RFNG: variants seen among roughly 807,000 people sequenced by gnomAD.
The protein encoded by RFNG is RFNG O-fucosylpeptide 3-beta-N-acetylglucosaminyltransferase.
RFNG carries 37 observed loss-of-function variants against 29.6 expected under a neutral mutation model. The ratio of observed to expected loss-of-function variants is 1.25; its 90% confidence interval spans 0.96 to 1.65. The LOEUF (loss-of-function observed/expected upper bound fraction) is 1.65. RFNG is among the 40% of genes most tolerant of loss of function. RFNG has a pLI of 0.00. For missense variants in RFNG, 546 were observed against 457.0 expected, an observed-to-expected ratio of 1.19 and a Z score of -1.78; for synonymous variants, 276 against 197.3, an observed-to-expected ratio of 1.40 and a Z score of -3.34.
intron 4 of RFNG, 169 bp downstream of exon 4, chr17:82,050,233 G>C (rs1270445623): frequency 2.3e-6 from 2 of 873,100 alleles, no homozygotes; most frequent in Non-Finnish European, 3.4e-6. Flanking sequence ...AGTACGGTGA[G>C]GGCCTCCTGG....
Position 82,047,966 on chromosome 17 carries a change from A to C in RFNG, c.*760T>G, listed in dbSNP as rs1043368471. The C allele has an allele frequency of 2.0e-5, 3 of 152,244 alleles. No individual in the cohort carries two copies. The highest frequency in any genetic ancestry group is 4.4e-5 in the Non-Finnish European group (3 of 68,088). The allele number at this position is 152,244 out of a possible 1,614,324, so 9.4% of individuals were successfully genotyped here. ...CAAAGCAGGAGGCAGAGGGGAGATG[A>C]CGGCCCCTGTCCCATTTCCCTCCAT... On this transcript the variant is annotated 3_prime_UTR_variant, in exon 8 of 8. Transcript: ENST00000310496.
In RFNG at chr17:82,048,749, G is replaced by A. The variant is rs1045904695; in HGVS notation, c.973C>T (p.Gln325Ter). 1 of 1,613,244 alleles carries A rather than the reference G, an allele frequency of 6.2e-7. No individual in the cohort carries two copies. The highest frequency in any genetic ancestry group is 8.5e-7 in the Non-Finnish European group (1 of 1,179,866). ...PDTDWCPRQK[Q>*]GAPTSR ...TGTCACCGAGAGGTCGGGGCGCCCT[G>A]TTTCTGCCTGGGACACCAGTCCGTG... is the stretch of plus-strand genomic sequence containing the variant. The change falls in exon 8 of 8, where the codon CAG becomes TAG. Residue 325 changes from glutamine (Q) to a stop codon, truncating the protein, a stop_gained. Coordinates refer to ENST00000310496, the MANE Select transcript of RFNG (RefSeq NM_002917.2). LOFTEE classifies it low-confidence loss of function (END_TRUNC).
rs1448340494 is a variant in RFNG, at chr17:82,051,549, G to A, written c.218C>T (p.Pro73Leu). 4 of 1,398,272 alleles carry A rather than the reference G, an allele frequency of 2.9e-6. No individual in the cohort carries two copies. The highest frequency in any genetic ancestry group is 1.5e-5 in the African/African-American group (1 of 66,084). The allele number at this position is 1,398,272 out of a possible 1,614,324, so 86.6% of individuals were successfully genotyped here. A position where few individuals can be genotyped will look rare whatever the true frequency, so the allele number is the denominator to read the frequency against. The change falls in exon 1 of 8, where the codon CCG (proline) becomes CTG (leucine). Residue 73 changes from proline (P) to leucine (L), a missense_variant. By Grantham distance (98) the Pro-to-Leu change is moderately conservative (BLOSUM62 -3). Coordinates refer to ENST00000310496, the MANE Select transcript of RFNG (RefSeq NM_002917.2). This position sits in a 1 kb window ranked among gnomAD's most constrained non-coding sequence, Gnocchi z 4.1. ...AVKTTRKNHGPRLRLLLRTWI... is the reference protein window; with the variant it reads ...AVKTTRKNHGLRLRLLLRTWI... ...GGTGCGCAGCAGCAGCCGCAGGCGCGGCCCGTGGTTCTTCCGGGTGGTCTT... is the reference window on the plus strand; with the variant it reads ...GGTGCGCAGCAGCAGCCGCAGGCGCAGCCCGTGGTTCTTCCGGGTGGTCTT...
In RFNG at chr17:82,049,915, C is replaced by T. The variant is rs374030602; in HGVS notation, c.662+3G>A. The T allele has an allele frequency of 3.7e-6, 6 of 1,612,028 alleles. No homozygotes were observed. The South Asian group carries it at 5.5e-5, about 15-fold the overall frequency. ...CAGCCCGGGCAGCTGGACCCCCACTCACCTGGCCCATGGGCTCATCTTGAG... is the reference window on the plus strand; with the variant it reads ...CAGCCCGGGCAGCTGGACCCCCACTTACCTGGCCCATGGGCTCATCTTGAG... On this transcript the variant is annotated splice_donor_region_variant and intron_variant, in intron 5 of 7. Coordinates refer to ENST00000310496, the MANE Select transcript of RFNG (RefSeq NM_002917.2).
Position 82,050,516 on chromosome 17 carries a change from G to C in RFNG, c.459C>G (p.Ala153=). The C allele has an allele frequency of 6.2e-7, 1 of 1,612,528 alleles. No individual in the cohort carries two copies. Among genetic ancestry groups the C allele is most frequent in the Non-Finnish European group, 8.5e-7 (1 of 1,179,676 alleles). The change falls in exon 4 of 8, where the codon GCC becomes GCG. Residue 153 remains alanine (A), a synonymous_variant. Coordinates refer to ENST00000310496, the MANE Select transcript of RFNG (RefSeq NM_002917.2). ...TGGAGAGCAGGTGCAGGAGGCTCCT[G>C]GCGTTCACATAATTGTCATCATCCA... ...CHVDDDNYVN[A]RSLLHLLSSF... is the part of the protein sequence containing the mutation.
rs1437045911 is a variant in RFNG at position 82,051,502 on chromosome 17, G to A, written c.265C>T (p.Gln89Ter). ...LRTWISRARQQTFIFTDGDDP... is the reference protein window; with the variant it reads ...LRTWISRARQ ...GTCGGGGTCGGGGTCCGGCGCACCT[G>A]CTGGCGGGCCCGGGAGATCCAGGTG... The change falls in exon 1 of 8, where the codon CAG becomes TAG. Residue 89 changes from glutamine (Q) to a stop codon, truncating the protein, a stop_gained and splice_region_variant. Transcript: ENST00000310496. LOFTEE classifies it high-confidence loss of function. The surrounding 1 kb of genome is among the most constrained non-coding windows in gnomAD (Gnocchi z 4.1). 1.4e-6 allele frequency: 2 copies of A among 1,381,602 alleles called. No individual in the cohort carries two copies. The highest frequency in any genetic ancestry group is 3.5e-5 in the Admixed American group (1 of 28,796). The allele number at this position is 1,381,602 out of a possible 1,614,324, so 85.6% of individuals were successfully genotyped here. A position where few individuals can be genotyped will look rare whatever the true frequency, so the allele number is the denominator to read the frequency against.
In RFNG at chr17:82,051,256, G is replaced by A. The variant is rs535678989; in HGVS notation, c.316+38C>T. 2.2e-6 allele frequency: 3 copies of A among 1,344,678 alleles called. No homozygotes were observed. Among genetic ancestry groups the A allele is most frequent in the Admixed American group, 3.6e-5 (1 of 27,538 alleles). 83.3% of individuals were successfully genotyped at this position (1,344,678 alleles called of 1,614,324 possible). ...CTTCGGAGCGAGAAAGGCTCGGGGG[G>A]CAGATCCCGCGGGCGCCGGGGAGTG... On this transcript the variant is annotated intron_variant, in intron 2 of 7. Coordinates refer to ENST00000310496, the MANE Select transcript of RFNG (RefSeq NM_002917.2). This position sits in a 1 kb window ranked among gnomAD's most constrained non-coding sequence, Gnocchi z 4.1.
At position 82,049,753 on chromosome 17, in the gene RFNG, C is replaced by T. The variant is rs747191255; in HGVS notation, c.752G>A (p.Arg251His). 18 of 1,521,482 alleles carry T rather than the reference C, an allele frequency of 1.2e-5. No individual in the cohort carries two copies. The highest frequency in any genetic ancestry group is 2.3e-5 in the East Asian group (1 of 44,110). 94.2% of individuals were successfully genotyped at this position (1,521,482 alleles called of 1,614,324 possible). The change falls in exon 6 of 8, where the codon CGC becomes CAC. Residue 251 changes from arginine to histidine, a missense_variant. Physicochemically the swap from Arg to His is conservative, Grantham distance 29. Coordinates refer to ENST00000310496, the MANE Select transcript of RFNG (RefSeq NM_002917.2). ...GTGGAAGAGGGGGCTGTGCAGCAGG[C>T]GGGCGCCCAGGAGCCCCTCCACGAT... ...GYIVEGLLGA[R>H]LLHSPLFHSH...
chr17:82,051,015 G>C lies in RFNG; in HGVS notation c.317-251C>G. On this transcript the variant is annotated intron_variant, in intron 2 of 7. Transcript: ENST00000310496. This position sits in a 1 kb window ranked among gnomAD's most constrained non-coding sequence, Gnocchi z 4.1. ...GACGGAGGCAGCTCGCCCTGACCTG[G>C]CCTGGAAGGGCGGATTCCCTGCTGG... The C allele has an allele frequency of 1.4e-6, 2 of 1,403,892 alleles. No individual in the cohort carries two copies. The highest frequency in any genetic ancestry group is 1.8e-6 in the Non-Finnish European group (2 of 1,083,858). 87.0% of individuals were successfully genotyped at this position (1,403,892 alleles called of 1,614,324 possible).
intron 6 of RFNG, 182 bp from the exon 7 acceptor site, chr17:82,049,298 G>C (rs991096726): frequency 2.8e-6 from 2 of 706,064 alleles, no homozygotes; most frequent in Admixed American, 2.0e-5. Flanking sequence ...ACCTCAGGCA[G>C]AGCCTGGGGG....
rs1170495071 is a variant in RFNG at position 82,050,722 on chromosome 17, C to T, written c.359G>A (p.Arg120His). 5 of 1,613,220 alleles carry T rather than the reference C, an allele frequency of 3.1e-6. No homozygotes were observed. Among genetic ancestry groups the T allele is most frequent in the East Asian group, 2.2e-5 (1 of 44,872 alleles). Residue 120 changes from arginine to histidine, a missense_variant, in exon 3 of 8, where the codon CGT becomes CAT. By Grantham distance (29) the Arg-to-His change is conservative (BLOSUM62 0). Transcript: ENST00000310496. ...GGACATCTTGCAGCAGAGGGCCTGA[C>T]GAGTGCGCACCGCCGAGCAGTTGGT... Reference protein sequence around the residue: ...INTNCSAVRTRQALCCKMSVE... With the variant: ...INTNCSAVRTHQALCCKMSVE...
In RFNG at chr17:82,049,741, C is replaced by T. The variant is rs2030159915; in HGVS notation, c.764G>A (p.Ser255Asn). 6.6e-7 allele frequency: 1 copy of T among 1,518,756 alleles called. No homozygotes were observed. The highest frequency in any genetic ancestry group is 1.8e-4 in the Middle Eastern group (1 of 5,606). The allele number at this position is 1,518,756 out of a possible 1,614,324, so 94.1% of individuals were successfully genotyped here. A position where few individuals can be genotyped will look rare whatever the true frequency, so the allele number is the denominator to read the frequency against. ...EGLLGARLLH[S>N]PLFHSHLENL... ...CTCCAGGTGAGAGTGGAAGAGGGGGCTGTGCAGCAGGCGGGCGCCCAGGAG... is the reference window on the plus strand; with the variant it reads ...CTCCAGGTGAGAGTGGAAGAGGGGGTTGTGCAGCAGGCGGGCGCCCAGGAG... The change falls in exon 6 of 8, where the codon AGC becomes AAC. Residue 255 changes from serine to asparagine, a missense_variant. Coordinates refer to ENST00000310496, the MANE Select transcript of RFNG (RefSeq NM_002917.2).
chr17:82,050,661 C>T lies in RFNG; in HGVS notation c.419+1G>A, dbSNP rs1461619359. ...CTGCGGGTCGGGTCAGCGCCGCGTA[C>T]TTGCGCCCGGACTCAATGAACTTGT... On this transcript the variant is annotated splice_donor_variant, in intron 3 of 7. Transcript: ENST00000310496. LOFTEE classifies it high-confidence loss of function. 9.3e-6 allele frequency: 15 copies of T among 1,613,048 alleles called. 1 individual carries two copies. Among genetic ancestry groups the T allele is most frequent in the South Asian group, 7.7e-5 (7 of 91,084 alleles).
rs150052878 is a variant in RFNG at position 82,050,667 on chromosome 17, C to T, written c.414G>A (p.Gly138=). The T allele has an allele frequency of 3.0e-5, 49 of 1,613,040 alleles. No individual in the cohort carries two copies. The African/African-American group carries it at 5.1e-4, about 17-fold the overall frequency. ...SVEYDKFIES[G]RKWFCHVDDD... ...GTCGGGTCAGCGCCGCGTACTTGCG[C>T]CCGGACTCAATGAACTTGTCATACT... The change falls in exon 3 of 8, where the codon GGG becomes GGA. Residue 138 remains glycine (G), a synonymous_variant. Coordinates refer to ENST00000310496, the MANE Select transcript of RFNG (RefSeq NM_002917.2).
chr17:82,050,970 G>C (rs2030454126), intron 2 of RFNG: 12 of 1,428,712 alleles, frequency 8.4e-6, no homozygotes, highest in Non-Finnish European at 1.1e-5. Context: ...CATCGGTTGG[G>C]ATCTCTTGAG....
rs1425166998 is a variant in RFNG at position 82,048,678 on chromosome 17, C to T, written c.*48G>A. The T allele has an allele frequency of 6.6e-7, 1 of 1,512,530 alleles. No homozygotes were observed. The highest frequency in any genetic ancestry group is 2.3e-5 in the East Asian group (1 of 44,398). The allele number at this position is 1,512,530 out of a possible 1,614,324, so 93.7% of individuals were successfully genotyped here. ...CTGAGCCCATAGGGGGCTCTGGTTCCCCGCGCCTGGGACAGAGCCAGGCAG... is the reference window on the plus strand; with the variant it reads ...CTGAGCCCATAGGGGGCTCTGGTTCTCCGCGCCTGGGACAGAGCCAGGCAG... On this transcript the variant is annotated 3_prime_UTR_variant, in exon 8 of 8. Transcript: ENST00000310496.
intron 7 of RFNG, 60 bp downstream of exon 7, chr17:82,048,971 G>C (rs1568028249): frequency 2.6e-6 from 4 of 1,561,976 alleles, no homozygotes; most frequent in Non-Finnish European, 3.5e-6. Flanking sequence ...CGTGGGTAGA[G>C]GGAGCTGATG....
In RFNG at chr17:82,049,063, A is replaced by AGCCACGTTC; in HGVS notation, c.873_881dup (p.Asn292_Ala294dup). ...GGTCTTGATGCAGGCTGAAGCCTCC[A>AGCCACGTTC]GCCACGTTCACCACGTTATGTGGGT... On this transcript the variant is annotated inframe_insertion, in exon 7 of 8. Transcript: ENST00000310496. 6.2e-7 allele frequency: 1 copy of AGCCACGTTC among 1,613,536 alleles called. No individual in the cohort carries two copies. Among genetic ancestry groups the AGCCACGTTC allele is most frequent in the Non-Finnish European group, 8.5e-7 (1 of 1,179,858 alleles).
rs2030628134 is a variant in RFNG at position 82,051,637 on chromosome 17, G to A, written c.130C>T (p.Arg44Cys). 1 of 1,113,338 alleles carries A rather than the reference G, an allele frequency of 9.0e-7. No homozygotes were observed. Among genetic ancestry groups the A allele is most frequent in the Non-Finnish European group, 1.1e-6 (1 of 911,488 alleles). 69.0% of individuals were successfully genotyped at this position (1,113,338 alleles called of 1,614,324 possible). ...APARTPAPAP[R>C]APPSRPAAPS... is the part of the protein sequence containing the mutation. ...GCAGCGGGCCGGGACGGGGGCGCGC[G>A]CGGGGCCGGGGCGGGGGTCCGGGCC... The change falls in exon 1 of 8, where the codon CGC (arginine) becomes TGC (cysteine). Residue 44 changes from arginine to cysteine, a missense_variant. Physicochemically the swap from Arg to Cys is radical, Grantham distance 180. Transcript: ENST00000310496. This position sits in a 1 kb window ranked among gnomAD's most constrained non-coding sequence, Gnocchi z 4.1.
Sources: allele counts gnomAD v4.1 joint callset, GRCh38; gene constraint gnomAD v4.1.1; non-coding constraint Gnocchi (gnomAD v3.1); transcripts MANE v1.5; gene names NCBI Gene and HGNC (gene_info 2026-07-23, HGNC 2026-07-21).